Variants in ACACA observed in about 807,000 individuals in gnomAD.
ACACA encodes the protein acetyl-CoA carboxylase alpha, also known as acetyl-CoA carboxylase 1.
A neutral mutation model predicts 296.1 loss-of-function variants in ACACA; 103 were observed. That is an observed-to-expected ratio of 0.35 (90% CI 0.30 to 0.41). The LOEUF (loss-of-function observed/expected upper bound fraction) is 0.41. Ranked by LOEUF, ACACA falls within the 10% of genes least tolerant of loss-of-function variation. ACACA has a pLI of 1.00. For synonymous variants in ACACA, 953 were observed against 1,038.6 expected (o/e 0.92, Z 1.58); for missense variants, 1,554 against 2,989.7 (o/e 0.52, Z 11.20).
intron 41 of ACACA, among the ~76,000 whole-genome samples, chr17:37,168,539 A>AG (rs746702877): frequency 1.3e-5 from 2 of 151,808 alleles, no homozygotes; most frequent in Non-Finnish European, 2.9e-5. Flanking sequence ...AAAAAATTTA[A>AG]GGGGGGAAAA....
At chr17:37,165,429 T>C (rs1021669852) in intron 41 of ACACA, among the ~76,000 whole-genome samples, 6 of 152,156 alleles carry the variant, frequency 3.9e-5, no homozygotes, top group Non-Finnish European at 8.8e-5. Flanking sequence ...TGAGCTTCAA[T>C]GTCCCCACAT....
chr17:37,382,503 T>G (rs1398715757), intron 1 of ACACA, among the ~76,000 whole-genome samples: 2 of 152,114 alleles, frequency 1.3e-5, no homozygotes, highest in African/African-American at 4.8e-5. Context: ...GAAAAAACTT[T>G]AAACTCTAGA....
chr17:37,360,255 C>T (rs777756744), intron 1 of ACACA: 2 of 152,186 alleles, frequency 1.3e-5, no homozygotes, highest in Non-Finnish European at 2.9e-5. Flanking sequence ...AGCGCACCTT[C>T]TTAATGCTTA....
In ACACA at chr17:37,143,763, G is replaced by C. The variant is rs191468809; in HGVS notation, c.5679+6101C>G. On this transcript the variant is annotated intron_variant, in intron 45 of 55. Transcript: ENST00000616317. Reference sequence around the variant, plus strand: ...TCTTCCTTGTTTTTCTTGCTTTTTCGGCCTTGGCAACTCCCTTTTTTGCTG... The same window carrying C: ...TCTTCCTTGTTTTTCTTGCTTTTTCCGCCTTGGCAACTCCCTTTTTTGCTG... The C allele has an allele frequency of 3.0e-3, 2,820 of 944,896 alleles. 5 individuals are homozygous for C. The highest frequency in any genetic ancestry group is 4.3e-3 in the Non-Finnish European group (2,492 of 579,122). 58.5% of individuals were successfully genotyped at this position (944,896 alleles called of 1,614,324 possible). A position where few individuals can be genotyped will look rare whatever the true frequency, so the allele number is the denominator to read the frequency against.
At chr17:37,248,306 T>G (rs538778362) in intron 17 of ACACA, 150 bp from the exon 18 acceptor site, 4 of 1,069,778 alleles carry the variant, frequency 3.7e-6, no homozygotes, top group South Asian at 2.8e-5. Flanking sequence ...TCTGTGGACA[T>G]GGCTCAGTCC....
rs1022960802 is a variant in ACACA, at chr17:37,113,815, C to T, written c.6275-550G>A. 6.6e-6 allele frequency among the ~76,000 whole-genome samples: 1 copy of T among 152,044 alleles called. No homozygotes were observed. The highest frequency in any genetic ancestry group is 2.4e-5 in the African/African-American group (1 of 41,380). ...CCAGTGCCTGAACATAGTTAGTGCT[C>T]AACAAATATCTGCTGAATGAATGAA... On this transcript the variant is annotated intron_variant, in intron 50 of 55. Coordinates refer to ENST00000616317, the MANE Select transcript of ACACA (RefSeq NM_198834.3). The surrounding 1 kb of genome is among the most constrained non-coding windows in gnomAD (Gnocchi z 4.0).
intron 3 of ACACA, chr17:37,299,693 A>T (rs546085358): frequency 2.4e-4 from 250 of 1,023,678 alleles, no homozygotes; most frequent in Non-Finnish European, 2.8e-4. Flanking sequence ...CTTTAGTTGC[A>T]GCAAACATTT....
At chr17:37,135,624 G>A (rs1283592133) in intron 45 of ACACA, among the ~76,000 whole-genome samples, 1 of 152,180 alleles carries the variant, frequency 6.6e-6, no homozygotes, top group Admixed American at 6.5e-5. Context: ...AAATAACACT[G>A]GAAGACATCT....
chr17:37,133,136 G>C (rs763294234), intron 45 of ACACA, among the ~76,000 whole-genome samples: 2 of 152,182 alleles, frequency 1.3e-5, no homozygotes, highest in Non-Finnish European at 2.9e-5. Context: ...AATAGACTAA[G>C]AGTATCCCAA....
chr17:37,097,266 G>A lies in ACACA; in HGVS notation c.6721-100C>T. On this transcript the variant is annotated intron_variant, in intron 53 of 55. Transcript: ENST00000616317. This position sits in a 1 kb window ranked among gnomAD's most constrained non-coding sequence, Gnocchi z 4.8. ...GCATAAAAACTGATTCTCCAGGCAA[G>A]CCCTTCACAGACCCAAGAGCTGGCT... 2.9e-6 allele frequency: 4 copies of A among 1,379,712 alleles called. No individual in the cohort carries two copies. Among genetic ancestry groups the A allele is most frequent in the South Asian group, 1.2e-5 (1 of 82,022 alleles). The allele number at this position is 1,379,712 out of a possible 1,614,324, so 85.5% of individuals were successfully genotyped here.
At chr17:37,222,575 G>A (rs1035215168) in intron 28 of ACACA, among the ~76,000 whole-genome samples, 1 of 152,120 alleles carries the variant, frequency 6.6e-6, no homozygotes, top group Non-Finnish European at 1.5e-5. Context: ...CACATAAAAT[G>A]CTACCTGAGA....
chr17:37,283,478 G>T (rs920989006), intron 4 of ACACA, 73 bp from the exon 5 acceptor site: 11 of 1,480,240 alleles, frequency 7.4e-6, no homozygotes, highest in Admixed American at 3.5e-5. Context: ...AGAGATGAGA[G>T]AATTTTTACA....
At chr17:37,315,701 T>G (rs577565380) in intron 3 of ACACA, among the ~76,000 whole-genome samples, 1 of 152,282 alleles carries the variant, frequency 6.6e-6, no homozygotes, top group East Asian at 1.9e-4. Flanking sequence ...GGAAGAGACA[T>G]ATAGGGCAAG....
chr17:37,096,207 A>C (rs1253824692), intron 54 of ACACA, among the ~76,000 whole-genome samples: 1 of 152,218 alleles, frequency 6.6e-6, no homozygotes, highest in Non-Finnish European at 1.5e-5. Context: ...AATAGAAATC[A>C]GAGCATGTCA....
chr17:37,240,277 G>C (rs2080327600), intron 24 of ACACA, among the ~76,000 whole-genome samples, 199 bp downstream of exon 24: 1 of 152,206 alleles, frequency 6.6e-6, no homozygotes, highest in South Asian at 2.1e-4. Context: ...TCATCAAGCT[G>C]TGTTTCGTTG....
intron 45 of ACACA, among the ~76,000 whole-genome samples, chr17:37,140,141 G>A (rs1284851924): frequency 6.6e-6 from 1 of 152,156 alleles, no homozygotes; most frequent in Non-Finnish European, 1.5e-5. Context: ...TTTAGCAATG[G>A]TGTCACAGAG....
intron 33 of ACACA, among the ~76,000 whole-genome samples, chr17:37,203,594 T>G (rs2078369650): frequency 6.6e-6 from 1 of 151,722 alleles, no homozygotes; most frequent in Admixed American, 6.6e-5. Context: ...AATACAAAAA[T>G]TAGCCGGGTG....
chr17:37,285,626 C>A (rs1469322192), intron 3 of ACACA, among the ~76,000 whole-genome samples: 1 of 149,560 alleles, frequency 6.7e-6, no homozygotes, highest in East Asian at 2.0e-4. Flanking sequence ...CCAGCCTAGG[C>A]AACATGGCAA....
At chr17:37,185,524 T>G (rs2077498403) in intron 39 of ACACA, among the ~76,000 whole-genome samples, 2 of 150,912 alleles carry the variant, frequency 1.3e-5, no homozygotes, top group African/African-American at 4.9e-5. Context: ...GTGCTGGGAT[T>G]ACAGGTATGA....
Sources: allele counts gnomAD v4.1 joint callset (sites outside exome capture counted in the v4.1 genomes callset), GRCh38; gene constraint gnomAD v4.1.1; non-coding constraint Gnocchi (gnomAD v3.1); transcripts MANE v1.5; gene names NCBI Gene and HGNC (gene_info 2026-07-23, HGNC 2026-07-21).